Variants in AAK1 observed in about 807,000 individuals in gnomAD.
AAK1 encodes AP2 associated kinase 1, also known as AP2-associated protein kinase 1.
In AAK1, 37 loss-of-function variants were observed where a neutral mutation model predicts 116.0. The observed-to-expected ratio is 0.32, with a 90% CI of 0.25 to 0.42. The LOEUF (loss-of-function observed/expected upper bound fraction) is 0.42. Ranked by LOEUF, AAK1 falls within the 10% of genes least tolerant of loss-of-function variation. AAK1 has a pLI of 1.00. For synonymous variants in AAK1, 458 were observed against 439.9 expected, an observed-to-expected ratio of 1.04 and a Z score of -0.51; for missense variants, 919 against 1,170.6, an observed-to-expected ratio of 0.79 and a Z score of 3.14.
At chr2:69,571,223 TA>T (rs1672082837) in intron 2 of AAK1, among the ~76,000 whole-genome samples, 1 of 152,230 alleles carries the variant, frequency 6.6e-6, no homozygotes, top group Non-Finnish European at 1.5e-5. Context: ...CTCCCACAGC[TA>T]ACTGGACCAG....
At chr2:69,622,066 T>C (rs890210227) in intron 2 of AAK1, among the ~76,000 whole-genome samples, 3 of 152,208 alleles carry the variant, frequency 2.0e-5, no homozygotes, top group Non-Finnish European at 4.4e-5. Context: ...TCCCTCAGCT[T>C]GCAGGGAGGT....
At chr2:69,542,454 C>G in intron 5 of AAK1, 69 bp downstream of exon 5, 1 of 1,575,226 alleles carries the variant, frequency 6.3e-7, no homozygotes, top group Non-Finnish European at 8.7e-7. Flanking sequence ...CCCACAGTAT[C>G]TACTCCATCC....
At position 69,535,985 on chromosome 2, in the gene AAK1, C is replaced by T. The variant is rs765145496; in HGVS notation, c.535-3823G>A. 1.4e-4 allele frequency among the ~76,000 whole-genome samples: 22 copies of T among 152,292 alleles called. No homozygotes were observed. The South Asian group carries it at 2.9e-3, about 20-fold the overall frequency. On this transcript the variant is annotated intron_variant, in intron 5 of 21. Transcript: ENST00000409085. Reference sequence around the variant, plus strand: ...ATTAAGTGCCAGACACTGCTCCACGCGCTTTTACCTAGAGTATTTCATATA... The same window carrying T: ...ATTAAGTGCCAGACACTGCTCCACGTGCTTTTACCTAGAGTATTTCATATA...
chr2:69,505,125 GCACACACACCCA>G (rs958373753), intron 16 of AAK1, among the ~76,000 whole-genome samples: 32 of 108,108 alleles, frequency 3.0e-4, no homozygotes, highest in African/African-American at 1.1e-3. Flanking sequence ...GTGCGTGTGC[GCACACACACCCA>G]CACACACACA....
rs145372079 is a variant in AAK1, at chr2:69,518,659, C to A, written c.1497+295G>T. On this transcript the variant is annotated intron_variant, in intron 12 of 21. Coordinates refer to ENST00000409085, the MANE Select transcript of AAK1 (RefSeq NM_014911.5). ...GTCTCGATCTCTTGACCTCGTGATC[C>A]ACCTGTCTCGGCCTCCCAAAGTGCT... Among the ~76,000 whole-genome samples, 1,515 of 152,136 alleles carry A rather than the reference C, an allele frequency of 1.0e-2. 28 individuals carry two copies. Among genetic ancestry groups the A allele is most frequent in the African/African-American group, 0.035 (1,445 of 41,510 alleles).
At chr2:69,531,924 T>A in intron 6 of AAK1, 117 bp downstream of exon 6, 1 of 1,470,030 alleles carries the variant, frequency 6.8e-7, no homozygotes. Flanking sequence ...TGCTCTGAGA[T>A]GAAGGACAAC....
In AAK1 at chr2:69,468,127, A is replaced by C; in HGVS notation, c.*7742T>G. On this transcript the variant is annotated 3_prime_UTR_variant, in exon 22 of 22. Transcript: ENST00000409085. Reference sequence around the variant, plus strand: ...GAAGAATAAGATTTTGAAAAGAATAAATTTTTCCTTGTATTATAATTTTAG... The same window carrying C: ...GAAGAATAAGATTTTGAAAAGAATACATTTTTCCTTGTATTATAATTTTAG... 1 of 985,192 alleles carries C rather than the reference A, an allele frequency of 1.0e-6. No individual in the cohort carries two copies. 61.0% of individuals were successfully genotyped at this position (985,192 alleles called of 1,614,324 possible).
At chr2:69,506,969 G>C (rs1235108834) in intron 15 of AAK1, among the ~76,000 whole-genome samples, 1 of 151,514 alleles carries the variant, frequency 6.6e-6, no homozygotes, top group African/African-American at 2.4e-5. Flanking sequence ...TTTCTGTGTA[G>C]TACAGTAATA....
intron 5 of AAK1, among the ~76,000 whole-genome samples, chr2:69,541,131 G>T (rs1030476200): frequency 6.6e-6 from 1 of 152,078 alleles, no homozygotes; most frequent in Non-Finnish European, 1.5e-5. Context: ...ATGGATACAG[G>T]GTTTCTTTTG....
intron 17 of AAK1, among the ~76,000 whole-genome samples, chr2:69,494,118 CA>C (rs1675648103): frequency 6.6e-6 from 1 of 152,160 alleles, no homozygotes; most frequent in African/African-American, 2.4e-5. Context: ...TACACTCCTG[CA>C]GTTCTCTATT....
chr2:69,519,250 G>A lies in AAK1; in HGVS notation c.1211-10C>T. ...GGCTGATTGCTGGATCCTGCAATGA[G>A]AATAAAGTCCATGTAAGGGTTCCAA... On this transcript the variant is annotated splice_polypyrimidine_tract_variant and intron_variant, in intron 11 of 21. Coordinates refer to ENST00000409085, the MANE Select transcript of AAK1 (RefSeq NM_014911.5). 1 of 1,548,786 alleles carries A rather than the reference G, an allele frequency of 6.5e-7. No homozygotes were observed. The highest frequency in any genetic ancestry group is 1.2e-5 in the South Asian group (1 of 81,490).
intron 9 of AAK1, 26 bp from the exon 10 acceptor site, chr2:69,525,138 C>T (rs1282562868): frequency 1.2e-6 from 2 of 1,608,146 alleles, no homozygotes; most frequent in African/African-American, 2.7e-5. Flanking sequence ...CAAAACAGAA[C>T]AAAACAAAAG....
intron 2 of AAK1, among the ~76,000 whole-genome samples, chr2:69,589,708 C>CA (rs762986666): frequency 0.056 from 3,260 of 58,136 alleles, 61 homozygotes; most frequent in Non-Finnish European, 0.085. Flanking sequence ...AACTCTGTCT[C>CA]AAAAAAAAAA....
intron 2 of AAK1, among the ~76,000 whole-genome samples, chr2:69,585,858 T>C (rs1672742131): frequency 6.6e-6 from 1 of 152,194 alleles, no homozygotes; most frequent in Non-Finnish European, 1.5e-5. Flanking sequence ...TCAGTTATTA[T>C]CCATATTTTA....
chr2:69,480,077 G>C (rs1675025085), intron 19 of AAK1, among the ~76,000 whole-genome samples: 1 of 152,060 alleles, frequency 6.6e-6, no homozygotes, highest in African/African-American at 2.4e-5. Flanking sequence ...TTTTAACACA[G>C]GGATTGTTTT....
intron 5 of AAK1, among the ~76,000 whole-genome samples, chr2:69,537,820 C>T (rs1456598311): frequency 6.6e-6 from 1 of 152,188 alleles, no homozygotes; most frequent in African/African-American, 2.4e-5. Context: ...ATCTAGATGG[C>T]ATCGAGTGTA....
intron 2 of AAK1, among the ~76,000 whole-genome samples, chr2:69,633,326 G>A (rs995202998): frequency 1.3e-5 from 2 of 152,000 alleles, no homozygotes; most frequent in Non-Finnish European, 2.9e-5. Context: ...AGCAGTGCCA[G>A]GCACGGTGGC....
chr2:69,599,695 G>A (rs1308049296), intron 2 of AAK1, among the ~76,000 whole-genome samples: 5 of 152,148 alleles, frequency 3.3e-5, no homozygotes. Context: ...ACATTTTACT[G>A]TGATAATATA....
At chr2:69,554,042 G>A (rs979225492) in intron 3 of AAK1, among the ~76,000 whole-genome samples, 3 of 151,422 alleles carry the variant, frequency 2.0e-5, no homozygotes, top group Non-Finnish European at 2.9e-5. Flanking sequence ...GTGCCACTAC[G>A]CTCCAGCTTG....
Sources: allele counts gnomAD v4.1 joint callset (sites outside exome capture counted in the v4.1 genomes callset), GRCh38; gene constraint gnomAD v4.1.1; transcripts MANE v1.5; gene names NCBI Gene and HGNC (gene_info 2026-07-23, HGNC 2026-07-21).